The following ACYP2 variants were observed in gnomAD, a reference collection of about 807,000 sequenced individuals.
ACYP2 encodes acylphosphatase 2.
A neutral mutation model predicts 11.2 loss-of-function variants in ACYP2; 12 were observed. The ratio of observed to expected loss-of-function variants is 1.08; its 90% confidence interval spans 0.69 to 1.74. ACYP2 has a LOEUF of 1.74. Among genes scored for constraint, ACYP2 ranks in the 40% most tolerant of loss-of-function variants. The probability of loss-of-function intolerance (pLI) is 0.00; values close to 1 mark genes in which losing one functional copy is unlikely to be tolerated. For missense variants in ACYP2, 134 were observed against 101.9 expected, an observed-to-expected ratio of 1.31 and a Z score of -1.35; for synonymous variants, 43 against 32.2, an observed-to-expected ratio of 1.33 and a Z score of -1.13.
At chr2:54,049,704 A>AT (rs1463972961) in intron 2 of ACYP2, among the ~76,000 whole-genome samples, 2 of 151,940 alleles carry the variant, frequency 1.3e-5, no homozygotes, top group African/African-American at 2.4e-5. Context: ...TTCAACCAGT[A>AT]TTTTTTTTAA....
chr2:54,170,187 C>G (rs1268340064), intron 6 of ACYP2, among the ~76,000 whole-genome samples: 2 of 152,182 alleles, frequency 1.3e-5, no homozygotes, highest in Non-Finnish European at 2.9e-5. Flanking sequence ...GACTCTCACT[C>G]TGTTGCCCAG....
At chr2:54,125,847 C>T (rs980699559) in intron 4 of ACYP2, among the ~76,000 whole-genome samples, 16 of 152,002 alleles carry the variant, frequency 1.1e-4, no homozygotes, top group African/African-American at 3.9e-4. Flanking sequence ...TTTGGGGGGC[C>T]GAGGTGGGCA....
intron 2 of ACYP2, among the ~76,000 whole-genome samples, chr2:54,013,948 A>G (rs536099471): frequency 4.1e-4 from 62 of 152,220 alleles, no homozygotes; most frequent in African/African-American, 1.4e-3. Flanking sequence ...ACTTGAGGTC[A>G]GGAGTTCGAG....
At chr2:54,161,386 C>G (rs1039142495) in intron 6 of ACYP2, among the ~76,000 whole-genome samples, 2 of 152,132 alleles carry the variant, frequency 1.3e-5, no homozygotes, top group Non-Finnish European at 2.9e-5. Flanking sequence ...GGTCTGAGTA[C>G]CATTGGTCTT....
At chr2:54,146,462 A>G (rs1183313092) in intron 6 of ACYP2, among the ~76,000 whole-genome samples, 1 of 148,208 alleles carries the variant, frequency 6.7e-6, no homozygotes, top group African/African-American at 2.5e-5. Flanking sequence ...TTTATTACAG[A>G]CTGGATTTTA....
intron 2 of ACYP2, among the ~76,000 whole-genome samples, chr2:54,025,266 T>C (rs1674219950): frequency 1.3e-5 from 2 of 152,190 alleles, no homozygotes; most frequent in Middle Eastern, 6.8e-3. Flanking sequence ...AGAAACCATA[T>C]AGCCAAAGCA....
At chr2:54,023,694 ATAAACT>A (rs1243856956) in intron 2 of ACYP2, among the ~76,000 whole-genome samples, 5 of 152,220 alleles carry the variant, frequency 3.3e-5, no homozygotes, top group South Asian at 2.1e-4. Context: ...ATTTTTAAAA[ATAAACT>A]TAAAGTTTTT....
At chr2:54,106,555 C>G (rs949106368) in intron 4 of ACYP2, among the ~76,000 whole-genome samples, 2 of 151,680 alleles carry the variant, frequency 1.3e-5, no homozygotes, top group Non-Finnish European at 2.9e-5. Flanking sequence ...AACATAATGT[C>G]TCATATAATA....
intron 4 of ACYP2, among the ~76,000 whole-genome samples, chr2:54,099,857 A>AGTGTATG (rs1678796623): frequency 6.6e-6 from 1 of 152,202 alleles, no homozygotes; most frequent in South Asian, 2.1e-4. Context: ...TAATTGCTTG[A>AGTGTATG]GAAACCTACA....
intron 4 of ACYP2, among the ~76,000 whole-genome samples, chr2:54,091,277 G>A (rs1678208241): frequency 6.6e-6 from 1 of 152,096 alleles, no homozygotes; most frequent in African/African-American, 2.4e-5. Context: ...GGGAACACAG[G>A]AAGAAAGCTA....
chr2:54,026,803 G>A (rs1218689739), intron 2 of ACYP2, among the ~76,000 whole-genome samples: 1 of 152,118 alleles, frequency 6.6e-6, no homozygotes, highest in Non-Finnish European at 1.5e-5. Context: ...AAGTAGGTCA[G>A]GAAAGGAAAA....
At chr2:54,149,853 G>T (rs1351741189) in intron 6 of ACYP2, among the ~76,000 whole-genome samples, 3 of 152,158 alleles carry the variant, frequency 2.0e-5, no homozygotes, top group African/African-American at 7.2e-5. Context: ...ATGCTTGAAG[G>T]CATTGGGGAA....
Position 54,115,597 on chromosome 2 carries a change from G to A in ACYP2, c.278-19856G>A, listed in dbSNP as rs1227013596. ...CGTCCGGGACCGGTGACAGGCGCGG[G>A]GTGCGCCAAGCAGTCCCATGTGTCC... is the stretch of plus-strand genomic sequence containing the variant. On this transcript the variant is annotated intron_variant, in intron 4 of 6. Coordinates refer to ENST00000607452, the MANE Select transcript of ACYP2 (RefSeq NM_001320586.2). 4.5e-6 allele frequency: 7 copies of A among 1,546,176 alleles called. No individual in the cohort carries two copies. The highest frequency in any genetic ancestry group is 5.0e-5 in the East Asian group (2 of 40,164).
At chr2:54,181,194 C>T (rs775886840) in intron 6 of ACYP2, among the ~76,000 whole-genome samples, 1 of 152,078 alleles carries the variant, frequency 6.6e-6, no homozygotes, top group African/African-American at 2.4e-5. Context: ...TCAAGGGAGT[C>T]GGATAACTAA....
chr2:54,200,504 G>A (rs559193949), intron 6 of ACYP2, among the ~76,000 whole-genome samples: 7 of 152,050 alleles, frequency 4.6e-5, no homozygotes, highest in African/African-American at 1.7e-4. Flanking sequence ...CATATAAATG[G>A]TATCATGCAA....
intron 6 of ACYP2, among the ~76,000 whole-genome samples, chr2:54,221,289 G>T (rs1482711944): frequency 6.6e-6 from 1 of 151,960 alleles, no homozygotes; most frequent in Non-Finnish European, 1.5e-5. Flanking sequence ...CTAAATTTGG[G>T]GTGCTTTATT....
chr2:54,248,365 C>G (rs1687058137), intron 6 of ACYP2, among the ~76,000 whole-genome samples: 2 of 152,118 alleles, frequency 1.3e-5, no homozygotes, highest in Admixed American at 1.3e-4. Flanking sequence ...CATACGATTC[C>G]TACTCTACAC....
At chr2:54,246,655 T>G (rs1339611384) in intron 6 of ACYP2, among the ~76,000 whole-genome samples, 1 of 152,148 alleles carries the variant, frequency 6.6e-6, no homozygotes, top group Non-Finnish European at 1.5e-5. Context: ...TGTAGTAGTT[T>G]TATTATGTTC....
intron 2 of ACYP2, among the ~76,000 whole-genome samples, chr2:53,985,345 G>A (rs555160996): frequency 1.3e-5 from 2 of 152,190 alleles, no homozygotes; most frequent in African/African-American, 2.4e-5. Flanking sequence ...GGGATTACAG[G>A]TGTGAGCCGC....
Sources: allele counts gnomAD v4.1 joint callset (sites outside exome capture counted in the v4.1 genomes callset), GRCh38; gene constraint gnomAD v4.1.1; transcripts MANE v1.5; gene names NCBI Gene and HGNC (gene_info 2026-07-23, HGNC 2026-07-21).